Variants in NPAS3 observed in about 807,000 individuals in gnomAD.
The protein encoded by NPAS3 is neuronal PAS domain protein 3.
NPAS3 carries 14 observed loss-of-function variants against 73.1 expected under a neutral mutation model. The ratio of observed to expected loss-of-function variants is 0.19; its 90% CI spans 0.13 to 0.30. The LOEUF (loss-of-function observed/expected upper bound fraction) is 0.30. Ranked by LOEUF, NPAS3 falls within the 10% of genes least tolerant of loss-of-function variation. NPAS3 has a pLI of 1.00. For synonymous variants in NPAS3, 620 were observed against 541.5 expected, an observed-to-expected ratio of 1.14 and a Z score of -2.01; for missense variants, 1,096 against 1,250.0, an observed-to-expected ratio of 0.88 and a Z score of 1.86.
intron 10 of NPAS3, among the ~76,000 whole-genome samples, chr14:33,795,529 A>G (rs942362628): frequency 6.6e-6 from 1 of 152,220 alleles, no homozygotes; most frequent in Non-Finnish European, 1.5e-5. Flanking sequence ...GCTAGGCAAA[A>G]TGATATTGTG....
intron 1 of NPAS3, among the ~76,000 whole-genome samples, chr14:33,028,871 G>A (rs1372681734): frequency 1.3e-5 from 2 of 152,218 alleles, no homozygotes; most frequent in Non-Finnish European, 1.5e-5. Flanking sequence ...GGATGCGCAG[G>A]TTTGTTACAT....
intron 3 of NPAS3, among the ~76,000 whole-genome samples, chr14:33,230,744 A>G (rs887608247): frequency 6.6e-6 from 1 of 152,114 alleles, no homozygotes. Context: ...GACTTTTGTT[A>G]TTCTTATTTT....
At chr14:33,726,475 T>C (rs1360402860) in intron 6 of NPAS3, among the ~76,000 whole-genome samples, 1 of 152,164 alleles carries the variant, frequency 6.6e-6, no homozygotes, top group South Asian at 2.1e-4. Context: ...ATAAGAATCA[T>C]GAGCACGGAG....
intron 4 of NPAS3, among the ~76,000 whole-genome samples, chr14:33,440,185 T>C (rs2049182801): frequency 6.6e-6 from 1 of 151,682 alleles, no homozygotes; most frequent in South Asian, 2.1e-4. Context: ...ATGGAACCTG[T>C]GAAATTACCC....
At chr14:33,387,787 T>C (rs1371632223) in intron 4 of NPAS3, among the ~76,000 whole-genome samples, 3 of 152,186 alleles carry the variant, frequency 2.0e-5, no homozygotes, top group Non-Finnish European at 2.9e-5. Context: ...ATTCATCAAA[T>C]ATTGATTTAT....
intron 5 of NPAS3, among the ~76,000 whole-genome samples, chr14:33,666,449 A>G (rs2059452836): frequency 6.6e-6 from 1 of 152,224 alleles, no homozygotes. Context: ...TGAATCGTGA[A>G]CTAGCAGGTT....
intron 2 of NPAS3, among the ~76,000 whole-genome samples, chr14:33,184,132 CA>C (rs1446935381): frequency 6.6e-6 from 1 of 152,198 alleles, no homozygotes; most frequent in Non-Finnish European, 1.5e-5. Flanking sequence ...CGAAGTCAAA[CA>C]CGCACTTTGA....
intron 4 of NPAS3, among the ~76,000 whole-genome samples, chr14:33,507,468 G>A (rs929063858): frequency 6.6e-6 from 1 of 151,950 alleles, no homozygotes; most frequent in Non-Finnish European, 1.5e-5. Context: ...TTTTGATCCT[G>A]AAGATGTTTG....
At chr14:33,111,198 G>A (rs545564758) in intron 2 of NPAS3, among the ~76,000 whole-genome samples, 2 of 152,340 alleles carry the variant, frequency 1.3e-5, no homozygotes, top group South Asian at 2.1e-4. Context: ...CCTGAAGGGA[G>A]CAAGGCCCTT....
intron 5 of NPAS3, among the ~76,000 whole-genome samples, chr14:33,597,127 CT>C (rs1337954792): frequency 6.6e-6 from 1 of 152,224 alleles, no homozygotes; most frequent in African/African-American, 2.4e-5. Flanking sequence ...ACAGATTTCA[CT>C]TATTCCAAAC....
At chr14:32,954,902 A>G (rs2036614721) in intron 1 of NPAS3, among the ~76,000 whole-genome samples, 2 of 152,186 alleles carry the variant, frequency 1.3e-5, no homozygotes, top group South Asian at 4.1e-4. Flanking sequence ...GGTTATGAGG[A>G]GATTACAATC....
intron 5 of NPAS3, among the ~76,000 whole-genome samples, chr14:33,636,904 C>T (rs1214911808): frequency 1.1e-5 from 1 of 89,122 alleles, no homozygotes; most frequent in Non-Finnish European, 2.0e-5. Context: ...TCGGAGTGTG[C>T]ACACACACAC....
At chr14:33,025,334 G>T (rs1196367317) in intron 1 of NPAS3, among the ~76,000 whole-genome samples, 1 of 152,208 alleles carries the variant, frequency 6.6e-6, no homozygotes, top group Non-Finnish European at 1.5e-5. Context: ...GATATGCCTT[G>T]CTGGCTTGTT....
intron 6 of NPAS3, among the ~76,000 whole-genome samples, chr14:33,704,110 A>G (rs1328872703): frequency 1.3e-5 from 2 of 152,246 alleles, no homozygotes; most frequent in African/African-American, 2.4e-5. Flanking sequence ...AGAAAAGCAC[A>G]AAGTAAAACA....
intron 4 of NPAS3, among the ~76,000 whole-genome samples, chr14:33,375,140 A>G (rs1404612458): frequency 2.6e-5 from 4 of 152,188 alleles, no homozygotes; most frequent in African/African-American, 9.6e-5. Flanking sequence ...TTCAAATAAT[A>G]GGAGCATTTT....
At chr14:33,262,885 A>AT (rs1428319569) in intron 3 of NPAS3, among the ~76,000 whole-genome samples, 1 of 152,026 alleles carries the variant, frequency 6.6e-6, no homozygotes, top group Non-Finnish European at 1.5e-5. Flanking sequence ...GATGATGAGC[A>AT]TTTTTTCATG....
intron 5 of NPAS3, among the ~76,000 whole-genome samples, chr14:33,622,354 C>T (rs1244991855): frequency 6.6e-6 from 1 of 151,648 alleles, no homozygotes. Context: ...GAAACATTTA[C>T]TATAATCTTT....
At chr14:33,250,050 A>G (rs950236858) in intron 3 of NPAS3, among the ~76,000 whole-genome samples, 3 of 152,092 alleles carry the variant, frequency 2.0e-5, no homozygotes, top group African/African-American at 7.2e-5. Context: ...ATTTCTGTGA[A>G]CCCAAATAAT....
chr14:33,009,246 A>T (rs1194673568), intron 1 of NPAS3, among the ~76,000 whole-genome samples: 2 of 152,200 alleles, frequency 1.3e-5, no homozygotes, highest in African/African-American at 4.8e-5. Flanking sequence ...GAATAAGAAG[A>T]AATTAAATAA....
Sources: allele counts gnomAD v4.1 joint callset (sites outside exome capture counted in the v4.1 genomes callset), GRCh38; gene constraint gnomAD v4.1.1; transcripts MANE v1.5; gene names NCBI Gene and HGNC (gene_info 2026-07-23, HGNC 2026-07-21).